CCNY: variants seen among roughly 807,000 people sequenced by gnomAD.
CCNY encodes cyclin-Y.
CCNY carries 19 observed loss-of-function variants against 42.8 expected under a neutral mutation model. The observed-to-expected ratio is 0.44, with a 90% CI of 0.31 to 0.65. The LOEUF is 0.65. Ranked by LOEUF, CCNY falls within the 30% of genes least tolerant of loss-of-function variation. The probability of loss-of-function intolerance (pLI) is 0.07; values close to 1 mark genes in which losing one functional copy is unlikely to be tolerated. For missense variants in CCNY, 370 were observed against 437.3 expected (o/e 0.85, Z 1.37); for synonymous variants, 165 against 162.7 (o/e 1.01, Z -0.11).
chr10:35,269,191 G>T (rs1044397117), intron 3 of CCNY, among the ~76,000 whole-genome samples: 3 of 152,054 alleles, frequency 2.0e-5, no homozygotes, highest in Non-Finnish European at 4.4e-5. Flanking sequence ...CTTCCTTCTG[G>T]CATTTTACTA....
intron 1 of CCNY, among the ~76,000 whole-genome samples, chr10:35,406,886 CG>C (rs1342950885): frequency 6.6e-6 from 1 of 151,916 alleles, no homozygotes; most frequent in East Asian, 1.9e-4. Context: ...CCGTCCCCGT[CG>C]GGGCGGCCGG....
intron 3 of CCNY, among the ~76,000 whole-genome samples, chr10:35,291,008 G>A (rs1291626550): frequency 6.6e-6 from 1 of 151,090 alleles, no homozygotes; most frequent in African/African-American, 2.4e-5. Context: ...CATGAAATAT[G>A]ACTTTTTTTT....
intron 1 of CCNY, chr10:35,449,739 G>A (rs1029515999): frequency 1.1e-5 from 11 of 985,118 alleles, no homozygotes; most frequent in Non-Finnish European, 1.2e-5. Flanking sequence ...AGCAGAGATG[G>A]CAGGGTGAGC....
In CCNY at chr10:35,336,932, CGTGGCGGCGAGCGG is replaced by C; in HGVS notation, c.-120_-107del. 3 of 634,996 alleles carry C rather than the reference CGTGGCGGCGAGCGG, an allele frequency of 4.7e-6. No homozygotes were observed. Among genetic ancestry groups the C allele is most frequent in the Non-Finnish European group, 6.1e-6 (3 of 490,790 alleles). The allele number at this position is 634,996 out of a possible 1,614,324, so 39.3% of individuals were successfully genotyped here. ...GGCCGGCCGCCGTTCCGCCCCCTCC[CGTGGCGGCGAGCGG>C]GCGGGCCTCCCCACACGCCCCCGCC... On this transcript the variant is annotated 5_prime_UTR_variant, in exon 1 of 10. Coordinates refer to ENST00000374704, the MANE Select transcript of CCNY (RefSeq NM_145012.6).
intron 1 of CCNY, among the ~76,000 whole-genome samples, chr10:35,416,989 G>T (rs1838038514): frequency 6.6e-6 from 1 of 152,212 alleles, no homozygotes; most frequent in African/African-American, 2.4e-5. Context: ...TGTATTTCTT[G>T]CTTAAACAAA....
chr10:35,450,723 T>G (rs1838897887), intron 1 of CCNY, among the ~76,000 whole-genome samples: 1 of 152,048 alleles, frequency 6.6e-6, no homozygotes, highest in Non-Finnish European at 1.5e-5. Flanking sequence ...CTCTTTTACC[T>G]TTTGTGTATC....
At chr10:35,474,264 G>A (rs1471143265) in intron 1 of CCNY, among the ~76,000 whole-genome samples, 1 of 152,240 alleles carries the variant, frequency 6.6e-6, no homozygotes, top group Non-Finnish European at 1.5e-5. Context: ...AAACACAGCA[G>A]CCTGGAAGCT....
At chr10:35,480,511 A>T (rs1393911531) in intron 1 of CCNY, among the ~76,000 whole-genome samples, 1 of 152,082 alleles carries the variant, frequency 6.6e-6, no homozygotes, top group East Asian at 1.9e-4. Flanking sequence ...GACACTGCCG[A>T]GGGGAGACTC....
At chr10:35,465,308 C>T (rs949898659) in intron 1 of CCNY, among the ~76,000 whole-genome samples, 30 of 152,084 alleles carry the variant, frequency 2.0e-4, no homozygotes, top group African/African-American at 6.3e-4. Context: ...TGCTGGGGTC[C>T]GAGCACCGAT....
At chr10:35,557,329 T>G (rs1031920747) in intron 8 of CCNY, among the ~76,000 whole-genome samples, 1 of 152,226 alleles carries the variant, frequency 6.6e-6, no homozygotes, top group African/African-American at 2.4e-5. Context: ...CATTAGCCTC[T>G]TCTTCAAAAT....
rs35268084 is a variant in CCNY at position 35,516,661 on chromosome 10, C to CTTTTTTTTT, written c.365+57_365+65dup. ...ATTTATTTCCTTCCTTCCTTCCTTC[C>CTTTTTTTTT]TTTTTTTTTTTTTTTTTTTTTTTTT... On this transcript the variant is annotated intron_variant, in intron 4 of 9. Transcript: ENST00000374704. The CTTTTTTTTT allele has an allele frequency of 1.8e-4, 59 of 327,604 alleles. 1 individual carries two copies. The African/African-American group carries it at 2.3e-3, about 13-fold the overall frequency. 20.3% of individuals were successfully genotyped at this position (327,604 alleles called of 1,614,324 possible). A position where few individuals can be genotyped will look rare whatever the true frequency, so the allele number is the denominator to read the frequency against.
intron 9 of CCNY, 101 bp from the exon 10 acceptor site, chr10:35,568,953 C>T: frequency 1.3e-6 from 1 of 754,504 alleles, no homozygotes. Context: ...GGGGCAGGGG[C>T]TCTGCCTGTC....
At chr10:35,568,961 GTC>G (rs1841627953) in intron 9 of CCNY, 91 bp from the exon 10 acceptor site, 5 of 797,504 alleles carry the variant, frequency 6.3e-6, no homozygotes, top group Non-Finnish European at 6.5e-6. Flanking sequence ...GGCTCTGCCT[GTC>G]CCTCATGCAG....
chr10:35,328,351 G>A lies in CCNY; in HGVS notation c.-9+77725G>A, dbSNP rs76912673. Among the ~76,000 whole-genome samples, 9 of 152,310 alleles carry A rather than the reference G, an allele frequency of 5.9e-5. No individual in the cohort carries two copies. The East Asian group carries it at 1.5e-3, about 26-fold the overall frequency. ...AATCCTGGGGCTGATACCAAAAGAC[G>A]TGAAAATGGAGCTGGGATATAGGCA... On this transcript the variant is annotated intron_variant, in intron 3 of 11. Transcript: ENST00000374706.
rs138796816 is a variant in CCNY, at chr10:35,359,491, TTTATTA to T, written c.154+22302_154+22307del. Among the ~76,000 whole-genome samples, 47 of 149,298 alleles carry T rather than the reference TTTATTA, an allele frequency of 3.1e-4. 1 individual carries two copies. The highest frequency in any genetic ancestry group is 5.2e-4 in the Non-Finnish European group (35 of 67,700). On this transcript the variant is annotated intron_variant, in intron 1 of 9. Coordinates refer to ENST00000374704, the MANE Select transcript of CCNY (RefSeq NM_145012.6). ...TCAAATTTACCATTTTAACTCTTTA[TTTATTA>T]TTATTATTATTATTATTTTTTTTTG...
chr10:35,485,557 C>T (rs930650389), intron 2 of CCNY, among the ~76,000 whole-genome samples: 1 of 152,070 alleles, frequency 6.6e-6, no homozygotes, highest in Non-Finnish European at 1.5e-5. Flanking sequence ...AACCCCGTCT[C>T]TACTAAAAAT....
chr10:35,504,368 T>C (rs541773198), intron 3 of CCNY, among the ~76,000 whole-genome samples: 37 of 152,242 alleles, frequency 2.4e-4, no homozygotes, highest in African/African-American at 8.2e-4. Context: ...AATGGGGCAG[T>C]AGAGAATGGT....
At chr10:35,413,483 A>T (rs1837957028) in intron 1 of CCNY, among the ~76,000 whole-genome samples, 1 of 152,220 alleles carries the variant, frequency 6.6e-6, no homozygotes, top group Admixed American at 6.5e-5. Context: ...CATTGGATAT[A>T]TGTGATTCTG....
chr10:35,296,016 T>C (rs1835466069), intron 3 of CCNY, among the ~76,000 whole-genome samples: 1 of 152,178 alleles, frequency 6.6e-6, no homozygotes, highest in African/African-American at 2.4e-5. Context: ...TCCAGGGACA[T>C]AGCTAAGGCA....
Sources: allele counts gnomAD v4.1 joint callset (sites outside exome capture counted in the v4.1 genomes callset), GRCh38; gene constraint gnomAD v4.1.1; transcripts MANE v1.5; gene names NCBI Gene and HGNC (gene_info 2026-07-23, HGNC 2026-07-21).